Variants in SLC44A1 observed in about 807,000 individuals in gnomAD.
SLC44A1 encodes the protein solute carrier family 44 member 1, also known as choline transporter-like protein 1.
Under a neutral mutation model 79.3 loss-of-function variants are expected in SLC44A1, and 26 were observed. The ratio of observed to expected loss-of-function variants is 0.33; its 90% CI spans 0.24 to 0.46. SLC44A1 has a LOEUF of 0.46. SLC44A1 is among the 20% of genes least tolerant of loss of function. SLC44A1 has a pLI of 1.00. For synonymous variants in SLC44A1, 263 were observed against 286.2 expected (o/e 0.92, Z 0.82); for missense variants, 688 against 798.1 (o/e 0.86, Z 1.66).
chr9:105,257,519 C>T (rs761018314), intron 1 of SLC44A1, among the ~76,000 whole-genome samples: 2 of 152,110 alleles, frequency 1.3e-5, no homozygotes, highest in Admixed American at 6.6e-5. Context: ...CATGAGCTAC[C>T]GTGCCTGGCT....
chr9:105,339,619 C>T (rs1827025639), intron 4 of SLC44A1, among the ~76,000 whole-genome samples: 1 of 152,138 alleles, frequency 6.6e-6, no homozygotes, highest in Non-Finnish European at 1.5e-5. Flanking sequence ...CACTTGAGTT[C>T]AGGAGTTCAA....
chr9:105,249,074 C>T (rs1260594652), intron 1 of SLC44A1, among the ~76,000 whole-genome samples: 1 of 152,088 alleles, frequency 6.6e-6, no homozygotes, highest in Non-Finnish European at 1.5e-5. Context: ...GTCTGTCTAG[C>T]GTTAGGAGAC....
At chr9:105,402,975 CTTTTTTTTTTTTT>C (rs780060821) in intron 15 of SLC44A1, among the ~76,000 whole-genome samples, 4 of 66,378 alleles carry the variant, frequency 6.0e-5, no homozygotes, top group East Asian at 4.1e-4. Flanking sequence ...TCACACCCAG[CTTTTTTTTTTTTT>C]TTTTTTTTTT....
rs1354600845 is a variant in SLC44A1 at position 105,393,303 on chromosome 9, T to C, written c.*4247T>C. The C allele has an allele frequency of 1.0e-6, 1 of 985,358 alleles. No homozygotes were observed. Among genetic ancestry groups the C allele is most frequent in the African/African-American group, 1.7e-5 (1 of 57,260 alleles). 61.0% of individuals were successfully genotyped at this position (985,358 alleles called of 1,614,324 possible). On this transcript the variant is annotated 3_prime_UTR_variant, in exon 16 of 16. Transcript: ENST00000374720. Reference sequence around the variant, plus strand: ...ACAGTAGCTTCTTGGAATTAACTCATCTTTGTTAACTTAGTGGCACATAGT... The same window carrying C: ...ACAGTAGCTTCTTGGAATTAACTCACCTTTGTTAACTTAGTGGCACATAGT...
chr9:105,285,406 C>A lies in SLC44A1; in HGVS notation c.37-13814C>A, dbSNP rs566724024. Among the ~76,000 whole-genome samples, 180 of 152,268 alleles carry A rather than the reference C, an allele frequency of 1.2e-3. 1 individual carries two copies. Among genetic ancestry groups the A allele is most frequent in the Non-Finnish European group, 2.2e-3 (153 of 68,024 alleles). ...CAAAATATGTTAATAACATGCTATT[C>A]TTGGTTATGACCTATAATTTTCCTG... On this transcript the variant is annotated intron_variant, in intron 1 of 15. Transcript: ENST00000374720.
intron 11 of SLC44A1, among the ~76,000 whole-genome samples, chr9:105,365,924 A>G (rs1483481838): frequency 2.0e-5 from 3 of 152,210 alleles, no homozygotes; most frequent in Non-Finnish European, 4.4e-5. Context: ...CTGTGGGAAT[A>G]ACATGCACTT....
chr9:105,328,878 C>A (rs1826664329), intron 3 of SLC44A1, among the ~76,000 whole-genome samples: 1 of 152,182 alleles, frequency 6.6e-6, no homozygotes, highest in South Asian at 2.1e-4. Context: ...CCCCTGTCAG[C>A]AACCTCATGG....
chr9:105,421,019 G>T (rs945635105), intron 15 of SLC44A1, among the ~76,000 whole-genome samples: 2 of 152,008 alleles, frequency 1.3e-5, no homozygotes, highest in African/African-American at 4.8e-5. Context: ...AGAAAATGTT[G>T]AATAAAGTAA....
chr9:105,354,810 T>C (rs1046579002), intron 5 of SLC44A1, among the ~76,000 whole-genome samples: 1 of 152,244 alleles, frequency 6.6e-6, no homozygotes, highest in Non-Finnish European at 1.5e-5. Context: ...ATACATAGTG[T>C]GCTTATATTC....
intron 5 of SLC44A1, among the ~76,000 whole-genome samples, chr9:105,354,844 G>A (rs10991638): frequency 0.024 from 3,720 of 152,096 alleles, 52 homozygotes; most frequent in Middle Eastern, 0.048. Flanking sequence ...AGCATTTTTC[G>A]AGGAAGGAAA....
At chr9:105,345,921 A>G (rs1827233517) in intron 4 of SLC44A1, among the ~76,000 whole-genome samples, 1 of 151,602 alleles carries the variant, frequency 6.6e-6, no homozygotes, top group Non-Finnish European at 1.5e-5. Flanking sequence ...CTGCTTTTGC[A>G]TTAGAAGGAA....
In SLC44A1 at chr9:105,394,649, GT is replaced by G. The variant is rs1828840525; in HGVS notation, c.*5594del. 1 of 985,192 alleles carries G rather than the reference GT, an allele frequency of 1.0e-6. No homozygotes were observed. Among genetic ancestry groups the G allele is most frequent in the African/African-American group, 1.7e-5 (1 of 57,318 alleles). The allele number at this position is 985,192 out of a possible 1,614,324, so 61.0% of individuals were successfully genotyped here. Reference sequence around the variant, plus strand: ...GGCTTAGTGTTATCAGTATACTACTGTCTTAAAATATATTTGTCAACATGTC... The same window carrying G: ...GGCTTAGTGTTATCAGTATACTACTGCTTAAAATATATTTGTCAACATGTC... On this transcript the variant is annotated 3_prime_UTR_variant, in exon 16 of 16. Coordinates refer to ENST00000374720, the MANE Select transcript of SLC44A1 (RefSeq NM_080546.5).
At position 105,393,150 on chromosome 9, in the gene SLC44A1, C is replaced by T. The variant is rs1273710413; in HGVS notation, c.*4094C>T. ...AAAAATGTGGGTTCATAAGTAAAAGCGTAACGCAGATATTTGTGTATTCTG... is the reference window on the plus strand; with the variant it reads ...AAAAATGTGGGTTCATAAGTAAAAGTGTAACGCAGATATTTGTGTATTCTG... On this transcript the variant is annotated 3_prime_UTR_variant, in exon 16 of 16. Transcript: ENST00000374720. The T allele has an allele frequency of 7.1e-6, 7 of 985,278 alleles. No homozygotes were observed. The highest frequency in any genetic ancestry group is 5.2e-5 in the African/African-American group (3 of 57,230). The allele number at this position is 985,278 out of a possible 1,614,324, so 61.0% of individuals were successfully genotyped here.
intron 3 of SLC44A1, among the ~76,000 whole-genome samples, chr9:105,313,497 G>A (rs1350080612): frequency 6.6e-6 from 1 of 152,142 alleles, no homozygotes; most frequent in African/African-American, 2.4e-5. Context: ...TCAGTGAGGG[G>A]AGGTTCCCCT....
At chr9:105,376,722 C>T (rs2131448601) in intron 13 of SLC44A1, among the ~76,000 whole-genome samples, 1 of 152,204 alleles carries the variant, frequency 6.6e-6, no homozygotes, top group African/African-American at 2.4e-5. Context: ...AAGGGAGATA[C>T]TAAAAGTGGC....
At chr9:105,276,552 G>A (rs1410040678) in intron 1 of SLC44A1, among the ~76,000 whole-genome samples, 3 of 148,612 alleles carry the variant, frequency 2.0e-5, no homozygotes, top group South Asian at 2.2e-4. Context: ...GTTAGGAAAC[G>A]GGGATGGGGA....
chr9:105,254,750 G>A (rs979221743), intron 1 of SLC44A1, among the ~76,000 whole-genome samples: 1 of 152,172 alleles, frequency 6.6e-6, no homozygotes, highest in Non-Finnish European at 1.5e-5. Flanking sequence ...CTGAGCTAAG[G>A]ACAGCTTCAG....
intron 15 of SLC44A1, among the ~76,000 whole-genome samples, chr9:105,419,153 T>C (rs185639684): frequency 3.9e-5 from 6 of 152,200 alleles, no homozygotes; most frequent in East Asian, 1.9e-4. Context: ...GACATATGGT[T>C]ATAGAAAAAA....
In SLC44A1 at chr9:105,356,343, G is replaced by T; in HGVS notation, c.632G>T (p.Ser211Ile). 1 of 1,606,610 alleles carries T rather than the reference G, an allele frequency of 6.2e-7. No homozygotes were observed. The highest frequency in any genetic ancestry group is 8.5e-7 in the Non-Finnish European group (1 of 1,176,920). Reference protein sequence around the residue: ...LHRLISGVMTSKEIILGLCLL... With the variant: ...LHRLISGVMTIKEIILGLCLL... ...AGGCTGATTAGTGGAGTAATGACCA[G>T]CAAAGAAATTATATTGGGACTTTGC... Residue 211 changes from serine to isoleucine, a missense_variant, in exon 6 of 16, where the codon AGC (serine) becomes ATC (isoleucine). Coordinates refer to ENST00000374720, the MANE Select transcript of SLC44A1 (RefSeq NM_080546.5).
Sources: gnomAD v4.1 joint callset for allele counts (sites outside exome capture counted in the v4.1 genomes callset) on GRCh38, gnomAD v4.1.1 for gene constraint, MANE v1.5 for transcripts, NCBI Gene and HGNC (gene_info 2026-07-23, HGNC 2026-07-21) for gene names.